Variants in CTAGE1 observed in about 807,000 individuals in gnomAD.
The protein encoded by CTAGE1 is cTAGE family member 2.
For missense variants in CTAGE1, 963 were observed against 855.9 expected (o/e 1.13, Z -1.56); for synonymous variants, 332 against 302.8 (o/e 1.10, Z -1.00).
rs2034986454 is a variant in CTAGE1, at chr18:22,414,606, A to G, written c.*968T>C. ...AGAGAAGAGAGCTCAATCAGAGATC[A>G]AATTCACCAACTGCAATTAAGCACT... On this transcript the variant is annotated 3_prime_UTR_variant, in exon 1 of 1. Coordinates refer to ENST00000391403, the MANE Select transcript of CTAGE1 (RefSeq NM_172241.3). 1.5e-6 allele frequency: 1 copy of G among 686,760 alleles called. No homozygotes were observed. The highest frequency in any genetic ancestry group is 2.6e-6 in the Non-Finnish European group (1 of 378,582). The allele number at this position is 686,760 out of a possible 1,614,324, so 42.5% of individuals were successfully genotyped here.
In CTAGE1 at chr18:22,416,277, C is replaced by T. The variant is rs754334605; in HGVS notation, c.1535G>A (p.Gly512Asp). Reference sequence around the variant, plus strand: ...AAGCAAAGGTGAGAGTCTGAGAGGACCTTCCAACAAAGTTGGAGGATAGAG... The same window carrying T: ...AAGCAAAGGTGAGAGTCTGAGAGGATCTTCCAACAAAGTTGGAGGATAGAG... ...ASLYPPTLLE[G>D]PLRLSPLLPR... Residue 512 changes from glycine (G) to aspartate (D), a missense_variant, in exon 1 of 1, where the codon GGT (glycine) becomes GAT (aspartate). Transcript: ENST00000391403. 2.0e-5 allele frequency: 33 copies of T among 1,613,796 alleles called. No homozygotes were observed. Among genetic ancestry groups the T allele is most frequent in the Non-Finnish European group, 2.6e-5 (31 of 1,179,866 alleles).
At position 22,414,933 on chromosome 18, in the gene CTAGE1, C is replaced by T; in HGVS notation, c.*641G>A. ...CCATTCTTGAGGAAAACAGAGGAAA[C>T]ACGAATACTTTCTGCTATAAATGTT... On this transcript the variant is annotated 3_prime_UTR_variant, in exon 1 of 1. Coordinates refer to ENST00000391403, the MANE Select transcript of CTAGE1 (RefSeq NM_172241.3). 2 of 635,096 alleles carry T rather than the reference C, an allele frequency of 3.1e-6. No homozygotes were observed. The highest frequency in any genetic ancestry group is 2.7e-5 in the East Asian group (1 of 36,836). 39.3% of individuals were successfully genotyped at this position (635,096 alleles called of 1,614,324 possible).
chr18:22,414,555 T>C lies in CTAGE1; in HGVS notation c.*1019A>G, dbSNP rs960283101. 2.5e-5 allele frequency: 16 copies of C among 632,974 alleles called. No homozygotes were observed. The highest frequency in any genetic ancestry group is 3.8e-4 in the Middle Eastern group (1 of 2,644). The allele number at this position is 632,974 out of a possible 1,614,324, so 39.2% of individuals were successfully genotyped here. ...TGAGGGCGTCTCTCAGGGAACACGA[T>C]ACATTTCATCTTTTAACAGAATTCC... On this transcript the variant is annotated 3_prime_UTR_variant, in exon 1 of 1. Transcript: ENST00000391403.
chr18:22,414,692 C>G lies in CTAGE1; in HGVS notation c.*882G>C, dbSNP rs1263487784. On this transcript the variant is annotated 3_prime_UTR_variant, in exon 1 of 1. Coordinates refer to ENST00000391403, the MANE Select transcript of CTAGE1 (RefSeq NM_172241.3). ...AGAAAAGCAGAACATAAAACTAAAACTATTAGAACACCAACAGAGGTAAAG... is the reference window on the plus strand; with the variant it reads ...AGAAAAGCAGAACATAAAACTAAAAGTATTAGAACACCAACAGAGGTAAAG... 4 of 702,934 alleles carry G rather than the reference C, an allele frequency of 5.7e-6. No individual in the cohort carries two copies. Among genetic ancestry groups the G allele is most frequent in the Admixed American group, 4.0e-5 (2 of 50,014 alleles). 43.5% of individuals were successfully genotyped at this position (702,934 alleles called of 1,614,324 possible).
Position 22,414,727 on chromosome 18 carries a change from G to T in CTAGE1, c.*847C>A, listed in dbSNP as rs1162175768. On this transcript the variant is annotated 3_prime_UTR_variant, in exon 1 of 1. Transcript: ENST00000391403. ...ACCAACAGAGGTAAAGGTTGGGAAAGAAGTCAGGAGAAACTGATCTATATA... is the reference window on the plus strand; with the variant it reads ...ACCAACAGAGGTAAAGGTTGGGAAATAAGTCAGGAGAAACTGATCTATATA... 1.4e-5 allele frequency: 10 copies of T among 703,040 alleles called. No homozygotes were observed. The highest frequency in any genetic ancestry group is 5.4e-5 in the East Asian group (2 of 37,270). The allele number at this position is 703,040 out of a possible 1,614,324, so 43.6% of individuals were successfully genotyped here.
In CTAGE1 at chr18:22,416,099, G is replaced by A; in HGVS notation, c.1713C>T (p.Asp571=). The part of the protein sequence containing the change: ...AGPLAPPWEQ[D]YRMMFPPPGQ... ...CTGGTGGAGGAAACATCATCCTATA[G>A]TCCTGTTCCCACGGAGGTGCCAGGG... Residue 571 remains aspartate (D), a synonymous_variant, in exon 1 of 1, where the codon GAC becomes GAT. Transcript: ENST00000391403. The A allele has an allele frequency of 1.2e-6, 2 of 1,613,956 alleles. No homozygotes were observed. The highest frequency in any genetic ancestry group is 1.7e-6 in the Non-Finnish European group (2 of 1,179,860).
In CTAGE1 at chr18:22,416,512, A is replaced by G. The variant is rs1169100464; in HGVS notation, c.1300T>C (p.Ser434Pro). 6.2e-7 allele frequency: 1 copy of G among 1,613,970 alleles called. No homozygotes were observed. Among genetic ancestry groups the G allele is most frequent in the Admixed American group, 1.7e-5 (1 of 59,990 alleles). Reference protein sequence around the residue: ...LHEKKAHDNWSAAWTAERNLN... With the variant: ...LHEKKAHDNWPAAWTAERNLN... ...TTTCTTTCAGCAGTCCAAGCTGCCG[A>G]CCAATTATCATGTGCTTTTTTCTCA... The change falls in exon 1 of 1, where the codon TCG (serine) becomes CCG (proline). Residue 434 changes from serine (S) to proline (P), a missense_variant. Transcript: ENST00000391403.
Position 22,417,716 on chromosome 18 carries a change from A to C in CTAGE1, c.96T>G (p.Ser32Arg), listed in dbSNP as rs761349056. 6.2e-7 allele frequency: 1 copy of C among 1,614,186 alleles called. No individual in the cohort carries two copies. ...AAAGCCGACTCGTAACTGATCTAAAACTTCTCCACAAGAAGAGAACAGCAA... is the reference window on the plus strand; with the variant it reads ...AAAGCCGACTCGTAACTGATCTAAACCTTCTCCACAAGAAGAGAACAGCAA... ...GFFAVLFLWR[S>R]FRSVTSRLYV... The change falls in exon 1 of 1, where the codon AGT becomes AGG. Residue 32 changes from serine (S) to arginine (R), a missense_variant. By Grantham distance (110) the Ser-to-Arg change is moderately radical. Coordinates refer to ENST00000391403, the MANE Select transcript of CTAGE1 (RefSeq NM_172241.3).
chr18:22,415,510 C>T lies in CTAGE1; in HGVS notation c.*64G>A. 2 of 1,327,694 alleles carry T rather than the reference C, an allele frequency of 1.5e-6. No individual in the cohort carries two copies. The highest frequency in any genetic ancestry group is 1.4e-5 in the South Asian group (1 of 70,740). 82.2% of individuals were successfully genotyped at this position (1,327,694 alleles called of 1,614,324 possible). A position where few individuals can be genotyped will look rare whatever the true frequency, so the allele number is the denominator to read the frequency against. On this transcript the variant is annotated 3_prime_UTR_variant, in exon 1 of 1. Coordinates refer to ENST00000391403, the MANE Select transcript of CTAGE1 (RefSeq NM_172241.3). ...TGTTGTTAGGTTTCTTGCTGTCGTTCTGGATGTTCAGCAGCAGGCTCATTT... is the reference window on the plus strand; with the variant it reads ...TGTTGTTAGGTTTCTTGCTGTCGTTTTGGATGTTCAGCAGCAGGCTCATTT...
rs1236016695 is a variant in CTAGE1 at position 22,414,690 on chromosome 18, A to T, written c.*884T>A. On this transcript the variant is annotated 3_prime_UTR_variant, in exon 1 of 1. Transcript: ENST00000391403. Reference sequence around the variant, plus strand: ...AGAGAAAAGCAGAACATAAAACTAAAACTATTAGAACACCAACAGAGGTAA... The same window carrying T: ...AGAGAAAAGCAGAACATAAAACTAATACTATTAGAACACCAACAGAGGTAA... The T allele has an allele frequency of 2.8e-6, 2 of 702,908 alleles. No individual in the cohort carries two copies. Among genetic ancestry groups the T allele is most frequent in the Non-Finnish European group, 5.2e-6 (2 of 385,014 alleles). The allele number at this position is 702,908 out of a possible 1,614,324, so 43.5% of individuals were successfully genotyped here.
rs1386055768 is a variant in CTAGE1 at position 22,417,797 on chromosome 18, A to G, written c.15T>C (p.Ser5=). 1 of 1,614,244 alleles carries G rather than the reference A, an allele frequency of 6.2e-7. No homozygotes were observed. Among genetic ancestry groups the G allele is most frequent in the South Asian group, 1.1e-5 (1 of 91,086 alleles). MRPD[S]HPYGFPWELV... is the part of the protein sequence containing the mutation. ...ATTCCCATGGAAAACCATAAGGATG[A>G]GAATCGGGTCTCATACCTTCAGTCA... Residue 5 remains serine, a synonymous_variant, in exon 1 of 1, where the codon TCT becomes TCC. Transcript: ENST00000391403.
At position 22,414,843 on chromosome 18, in the gene CTAGE1, G is replaced by A; in HGVS notation, c.*731C>T. On this transcript the variant is annotated 3_prime_UTR_variant, in exon 1 of 1. Coordinates refer to ENST00000391403, the MANE Select transcript of CTAGE1 (RefSeq NM_172241.3). The stretch of plus-strand genomic sequence containing the variant: ...TAACAACACAATTATGTAATGATAT[G>A]ATGACAAACATAGGAAGAAATTAGC... The A allele has an allele frequency of 1.4e-6, 1 of 700,032 alleles. No homozygotes were observed. Among genetic ancestry groups the A allele is most frequent in the Non-Finnish European group, 2.6e-6 (1 of 384,596 alleles). 43.4% of individuals were successfully genotyped at this position (700,032 alleles called of 1,614,324 possible).
In CTAGE1 at chr18:22,417,384, A is replaced by G; in HGVS notation, c.428T>C (p.Ile143Thr). ...TTTTGACTCATCTTCTAGCGACTGT[A>G]TCCTTTTGGAAATATCCGCCATCAA... is the stretch of plus-strand genomic sequence containing the variant. ...NELMADISKRIQSLEDESKSL... is the reference protein window; with the variant it reads ...NELMADISKRTQSLEDESKSL... Residue 143 changes from isoleucine (I) to threonine (T), a missense_variant, in exon 1 of 1, where the codon ATA (isoleucine) becomes ACA (threonine). Transcript: ENST00000391403. 2 of 1,613,926 alleles carry G rather than the reference A, an allele frequency of 1.2e-6. No homozygotes were observed. Among genetic ancestry groups the G allele is most frequent in the Non-Finnish European group, 1.7e-6 (2 of 1,179,858 alleles).
chr18:22,414,421 G>T lies in CTAGE1; in HGVS notation c.*1153C>A. On this transcript the variant is annotated 3_prime_UTR_variant, in exon 1 of 1. Coordinates refer to ENST00000391403, the MANE Select transcript of CTAGE1 (RefSeq NM_172241.3). ...AGCAGAGACTGGAGTGGCATTAACT[G>T]CTAGGGGAGGCATGTGAGCTAGGAT... 4 of 505,140 alleles carry T rather than the reference G, an allele frequency of 7.9e-6. No homozygotes were observed. The highest frequency in any genetic ancestry group is 3.0e-5 in the South Asian group (1 of 32,870). The allele number at this position is 505,140 out of a possible 1,614,324, so 31.3% of individuals were successfully genotyped here.
Position 22,416,104 on chromosome 18 carries a change from G to C in CTAGE1, c.1708C>G (p.Gln570Glu), listed in dbSNP as rs746815692. Reference sequence around the variant, plus strand: ...GGAGGAAACATCATCCTATAGTCCTGTTCCCACGGAGGTGCCAGGGGCCCA... The same window carrying C: ...GGAGGAAACATCATCCTATAGTCCTCTTCCCACGGAGGTGCCAGGGGCCCA... Reference protein sequence around the residue: ...DAGPLAPPWEQDYRMMFPPPG... With the variant: ...DAGPLAPPWEEDYRMMFPPPG... The change falls in exon 1 of 1, where the codon CAG becomes GAG. Residue 570 changes from glutamine (Q) to glutamate (E), a missense_variant. Physicochemically the swap from Gln to Glu is conservative, Grantham distance 29 (BLOSUM62 2). Coordinates refer to ENST00000391403, the MANE Select transcript of CTAGE1 (RefSeq NM_172241.3). 4 of 1,613,956 alleles carry C rather than the reference G, an allele frequency of 2.5e-6. No individual in the cohort carries two copies. Among genetic ancestry groups the C allele is most frequent in the Non-Finnish European group, 3.4e-6 (4 of 1,179,866 alleles).
rs140073810 is a variant in CTAGE1 at position 22,414,755 on chromosome 18, T to C, written c.*819A>G. The C allele has an allele frequency of 1.1e-4, 74 of 702,990 alleles. 1 individual carries two copies. In the Middle Eastern group the frequency reaches 1.1e-3, roughly 11 times the overall value. The allele number at this position is 702,990 out of a possible 1,614,324, so 43.5% of individuals were successfully genotyped here. ...GTCAGGAGAAACTGATCTATATAAT[T>C]CTGGGGCAAGTAAAAGTTCTGGATA... On this transcript the variant is annotated 3_prime_UTR_variant, in exon 1 of 1. Coordinates refer to ENST00000391403, the MANE Select transcript of CTAGE1 (RefSeq NM_172241.3).
In CTAGE1 at chr18:22,416,064, T is replaced by C. The variant is rs1240100765; in HGVS notation, c.1748A>G (p.Tyr583Cys). ...TTGTGGAGGGAGAGCTGAATCAGGA[T>C]ATGATTGTCCTGGTGGAGGAAACAT... ...RMMFPPPGQSYPDSALPPQRQ... is the reference protein window; with the variant it reads ...RMMFPPPGQSCPDSALPPQRQ... Residue 583 changes from tyrosine (Y) to cysteine (C), a missense_variant, in exon 1 of 1, where the codon TAT (tyrosine) becomes TGT (cysteine). Coordinates refer to ENST00000391403, the MANE Select transcript of CTAGE1 (RefSeq NM_172241.3). 6 of 1,613,962 alleles carry C rather than the reference T, an allele frequency of 3.7e-6. No homozygotes were observed. Among genetic ancestry groups the C allele is most frequent in the Non-Finnish European group, 4.2e-6 (5 of 1,179,842 alleles).
rs9946136 is a variant in CTAGE1 at position 22,415,768 on chromosome 18, T to G, written c.2044A>C (p.Ile682Leu). Reference protein sequence around the residue: ...LFPVDTRGPFIRRGPPFPPPP... With the variant: ...LFPVDTRGPFLRRGPPFPPPP... ...GGGGGGAAAGGAGGTCCTCTTCTTA[T>G]GAACGGGCCCCTTGTATCTACTGGA... The change falls in exon 1 of 1, where the codon ATA becomes CTA. Residue 682 changes from isoleucine to leucine, a missense_variant. Physicochemically the swap from Ile to Leu is conservative, Grantham distance 5 (BLOSUM62 2). Coordinates refer to ENST00000391403, the MANE Select transcript of CTAGE1 (RefSeq NM_172241.3). 13 of 1,613,796 alleles carry G rather than the reference T, an allele frequency of 8.1e-6. No individual in the cohort carries two copies. Among genetic ancestry groups the G allele is most frequent in the Non-Finnish European group, 1.1e-5 (13 of 1,179,870 alleles).
Position 22,416,358 on chromosome 18 carries a change from T to A in CTAGE1, c.1454A>T (p.His485Leu). The A allele has an allele frequency of 6.2e-7, 1 of 1,614,030 alleles. No individual in the cohort carries two copies. The highest frequency in any genetic ancestry group is 8.5e-7 in the Non-Finnish European group (1 of 1,179,878). ...CAATGGTGAGGGACCATATGGGGAATGCTGTCTGCCAAATGCTGTATTTGG... is the reference window on the plus strand; with the variant it reads ...CAATGGTGAGGGACCATATGGGGAAAGCTGTCTGCCAAATGCTGTATTTGG... ...DVPNTAFGRQHSPYGPSPLGW... is the reference protein window; with the variant it reads ...DVPNTAFGRQLSPYGPSPLGW... The change falls in exon 1 of 1, where the codon CAT becomes CTT. Residue 485 changes from histidine (H) to leucine (L), a missense_variant. Physicochemically the swap from His to Leu is moderately conservative, Grantham distance 99. Coordinates refer to ENST00000391403, the MANE Select transcript of CTAGE1 (RefSeq NM_172241.3).
Sources: gnomAD v4.1 joint callset for allele counts on GRCh38, gnomAD v4.1.1 for gene constraint, MANE v1.5 for transcripts, NCBI Gene and HGNC (gene_info 2026-07-23, HGNC 2026-07-21) for gene names.